The following CABP5 variants were observed in gnomAD, a reference collection of about 807,000 sequenced individuals.
The protein encoded by CABP5 is calcium binding protein 5.
CABP5 carries 17 observed loss-of-function variants against 21.9 expected under a neutral mutation model. The ratio of observed to expected loss-of-function variants is 0.78; its 90% CI spans 0.53 to 1.17. CABP5 has a LOEUF of 1.17. Ranked by LOEUF, CABP5 falls within the 50% of genes most tolerant of loss-of-function variation. CABP5 has a pLI of 0.00. For missense variants in CABP5, 229 were observed against 228.9 expected (o/e 1.00, Z 0.00); for synonymous variants, 85 against 79.4 (o/e 1.07, Z -0.37).
rs974732515 is a variant in CABP5 at position 48,030,216 on chromosome 19, T to G, written c.*341A>C. 3.6e-6 allele frequency: 1 copy of G among 276,374 alleles called. No individual in the cohort carries two copies. The highest frequency in any genetic ancestry group is 2.2e-5 in the African/African-American group (1 of 45,670). The allele number at this position is 276,374 out of a possible 1,614,324, so 17.1% of individuals were successfully genotyped here. A position where few individuals can be genotyped will look rare whatever the true frequency, so the allele number is the denominator to read the frequency against. ...AGACTATTTTCACCCAAGGGGAAGC[T>G]GGGGAAGAGACTCTGGCAGGTCACA... On this transcript the variant is annotated 3_prime_UTR_variant, in exon 6 of 6. Transcript: ENST00000293255.
At chr19:48,033,067 T>A (rs1339255959) in intron 5 of CABP5, among the ~76,000 whole-genome samples, 2 of 148,886 alleles carry the variant, frequency 1.3e-5, no homozygotes, top group Non-Finnish European at 3.0e-5. Flanking sequence ...AATGGCGCGA[T>A]CTCAGCTCAC....
chr19:48,037,968 G>A (rs933912153), intron 4 of CABP5, among the ~76,000 whole-genome samples: 2 of 152,158 alleles, frequency 1.3e-5, no homozygotes, highest in African/African-American at 4.8e-5. Flanking sequence ...AGGCTGGAAT[G>A]CAATGGTGCG....
chr19:48,043,132 C>A (rs1471181197), intron 1 of CABP5, among the ~76,000 whole-genome samples: 1 of 152,024 alleles, frequency 6.6e-6, no homozygotes, highest in Non-Finnish European at 1.5e-5. Flanking sequence ...GCCTCAGCCA[C>A]CTGAGTAGCT....
intron 1 of CABP5, 49 bp from the exon 2 acceptor site, chr19:48,041,652 T>C: frequency 6.4e-7 from 1 of 1,570,876 alleles, no homozygotes; most frequent in Non-Finnish European, 8.7e-7. Flanking sequence ...GGTCACCCAT[T>C]CTCCAAAGGG....
At chr19:48,041,192 G>GAA in intron 2 of CABP5, 1 of 269,674 alleles carries the variant, frequency 3.7e-6, no homozygotes. Flanking sequence ...TCTCAAAAAA[G>GAA]AAAAAAAAAT....
At chr19:48,041,486 G>A (rs1391388039) in intron 2 of CABP5, 87 bp downstream of exon 2, 1 of 1,264,062 alleles carries the variant, frequency 7.9e-7, no homozygotes, top group Non-Finnish European at 1.1e-6. Flanking sequence ...CCATGTAATG[G>A]AATTTATACG....
chr19:48,043,629 C>T (rs60966436), intron 1 of CABP5, among the ~76,000 whole-genome samples: 2 of 145,806 alleles, frequency 1.4e-5, no homozygotes, highest in Non-Finnish European at 3.0e-5. Context: ...TTTCATTTTT[C>T]TTCCTTTTCT....
chr19:48,038,105 C>T (rs1440531473), intron 4 of CABP5, among the ~76,000 whole-genome samples: 5 of 152,074 alleles, frequency 3.3e-5, no homozygotes, highest in Admixed American at 6.6e-5. Flanking sequence ...TTAGTAGAGA[C>T]GGGGTTTCAG....
At chr19:48,033,654 G>A (rs1330281439) in intron 5 of CABP5, among the ~76,000 whole-genome samples, 2 of 152,146 alleles carry the variant, frequency 1.3e-5, no homozygotes, top group South Asian at 2.1e-4. Context: ...AGGACAACTT[G>A]AGCAAAGACA....
chr19:48,032,667 G>T (rs1222433339), intron 5 of CABP5, among the ~76,000 whole-genome samples: 2 of 138,242 alleles, frequency 1.4e-5, no homozygotes, highest in African/African-American at 5.1e-5. Flanking sequence ...GAGTCTCACT[G>T]TTGCCCGGGC....
rs10425606 is a variant in CABP5 at position 48,034,271 on chromosome 19, A to C, written c.440T>G (p.Ile147Ser). ...LLGERLTPRE[I>S]SEVVREADVN... is the part of the protein sequence containing the mutation. ...ATCAGCCTCCCGGACAACCTCAGAG[A>C]TCTCCCGGGGGGTGAGCCGCTCCCC... The change falls in exon 5 of 6, where the codon ATC becomes AGC. Residue 147 changes from isoleucine (I) to serine (S), a missense_variant. Coordinates refer to ENST00000293255, the MANE Select transcript of CABP5 (RefSeq NM_019855.5). 3.9e-5 allele frequency: 63 copies of C among 1,607,080 alleles called. 1 individual carries two copies. The African/African-American group carries it at 6.3e-4, about 16-fold the overall frequency.
intron 1 of CABP5, among the ~76,000 whole-genome samples, chr19:48,041,873 T>A (rs1279218201): frequency 1.3e-5 from 2 of 151,912 alleles, no homozygotes; most frequent in Non-Finnish European, 2.9e-5. Context: ...TCACATTGTG[T>A]CAAAGGGGGT....
intron 4 of CABP5, among the ~76,000 whole-genome samples, chr19:48,035,745 T>TTAGGGAGGCGTGAGCTGGGGAG (rs1967400847): frequency 6.6e-6 from 1 of 152,026 alleles, no homozygotes; most frequent in Admixed American, 6.6e-5. Flanking sequence ...TGGGGAGTGT[T>TTAGGGAGGCGTGAGCTGGGGAG]TAGGGAGGCG....
chr19:48,038,364 G>C (rs559593964), intron 4 of CABP5, among the ~76,000 whole-genome samples: 2 of 152,220 alleles, frequency 1.3e-5, no homozygotes, highest in Non-Finnish European at 2.9e-5. Flanking sequence ...GTTGCTGAAA[G>C]CTCTCAGAAC....
chr19:48,037,621 C>T (rs1000377984), intron 4 of CABP5, among the ~76,000 whole-genome samples: 7 of 152,020 alleles, frequency 4.6e-5, no homozygotes, highest in African/African-American at 1.7e-4. Context: ...ACAAATGAAA[C>T]TAATTTTTAA....
intron 4 of CABP5, among the ~76,000 whole-genome samples, chr19:48,038,077 C>T (rs553301851): frequency 6.6e-6 from 1 of 152,254 alleles, no homozygotes; most frequent in South Asian, 2.1e-4. Context: ...CCATGTCTGG[C>T]TAAATTTTTT....
intron 4 of CABP5, 83 bp from the exon 5 acceptor site, chr19:48,034,445 T>G: frequency 9.0e-7 from 1 of 1,110,668 alleles, no homozygotes; most frequent in Non-Finnish European, 1.2e-6. Flanking sequence ...TCGCTTACTG[T>G]GGGTCAAGCA....
At chr19:48,041,667 C>T in intron 1 of CABP5, 64 bp from the exon 2 acceptor site, 1 of 1,478,386 alleles carries the variant, frequency 6.8e-7, no homozygotes. Flanking sequence ...AAAGGGTCTC[C>T]TTGTTCTCCC....
At chr19:48,033,360 C>G (rs755879167) in intron 5 of CABP5, among the ~76,000 whole-genome samples, 1 of 152,176 alleles carries the variant, frequency 6.6e-6, no homozygotes, top group Non-Finnish European at 1.5e-5. Context: ...CCATGTAGAA[C>G]CCCAATCCTT....
Sources: allele counts gnomAD v4.1 joint callset (sites outside exome capture counted in the v4.1 genomes callset), GRCh38; gene constraint gnomAD v4.1.1; transcripts MANE v1.5; gene names NCBI Gene and HGNC (gene_info 2026-07-23, HGNC 2026-07-21).